The following RAD52 variants were observed in gnomAD, a reference collection of about 807,000 sequenced individuals.
RAD52 encodes the protein DNA repair protein RAD52 homolog.
RAD52 carries 47 observed loss-of-function variants against 55.5 expected under a neutral mutation model. That is an observed-to-expected ratio of 0.85 (90% CI 0.67 to 1.08). The LOEUF is 1.08. Ranked by LOEUF, RAD52 falls within the 50% of genes least tolerant of loss-of-function variation. RAD52 has a pLI of 0.00. For missense variants in RAD52, 468 were observed against 522.8 expected (o/e 0.90, Z 1.02); for synonymous variants, 184 against 198.9 (o/e 0.92, Z 0.63).
intron 6 of RAD52, chr12:926,798 G>A (rs1957058991): frequency 1.3e-6 from 2 of 1,536,296 alleles, no homozygotes; most frequent in Admixed American, 2.0e-5. Flanking sequence ...TATGCTACCT[G>A]TGCGTAGCGG....
chr12:976,855 C>T (rs911934960), intron 1 of RAD52: 6 of 152,212 alleles, frequency 3.9e-5, no homozygotes, highest in African/African-American at 1.2e-4. Context: ...TGAGCCTCTC[C>T]TCTGAATTCC....
At chr12:916,553 G>A (rs1339054226) in intron 8 of RAD52, 70 bp from the exon 9 acceptor site, 2 of 1,601,282 alleles carry the variant, frequency 1.2e-6, no homozygotes, top group East Asian at 2.3e-5. Context: ...GACACGCACG[G>A]CTGGCTGGCT....
upstream of RAD52, chr12:990,650 G>C (rs1459022647): frequency 5.3e-5 from 8 of 152,208 alleles, no homozygotes; most frequent in Admixed American, 5.2e-4. Context: ...CACTAATTTC[G>C]CGGCCGCGTT....
chr12:934,766 C>T (rs1234830131), intron 1 of RAD52, among the ~76,000 whole-genome samples: 1 of 151,956 alleles, frequency 6.6e-6, no homozygotes, highest in African/African-American at 2.4e-5. Context: ...GTCAGTCATA[C>T]CTCAAAAAAG....
chr12:991,070 C>T (rs1441244393), upstream of RAD52: 1 of 151,602 alleles, frequency 6.6e-6, no homozygotes, highest in African/African-American at 2.4e-5. Context: ...CCGGAAGGCG[C>T]CCGGAGGCCC....
rs188084894 is a variant in RAD52, at chr12:922,750, G to A, written c.543+2700C>T. On this transcript the variant is annotated intron_variant, in intron 7 of 11. Coordinates refer to ENST00000358495, the MANE Select transcript of RAD52 (RefSeq NM_134424.4). ...CTTAAGGAGGCTGAGTGGGAGGATC[G>A]CTTGTAGCCAGGAGTTTGAGACTAG... 3.8e-3 allele frequency among the ~76,000 whole-genome samples: 584 copies of A among 152,166 alleles called. 3 individuals are homozygous for A. The highest frequency in any genetic ancestry group is 3.9e-3 in the Admixed American group (60 of 15,276).
rs367718256 is a variant in RAD52 at position 916,659 on chromosome 12, C to A, written c.705G>T (p.Ala235=). Residue 235 remains alanine, a synonymous_variant, in exon 8 of 12, where the codon GCG becomes GCT. Coordinates refer to ENST00000358495, the MANE Select transcript of RAD52 (RefSeq NM_134424.4). ...PSRPSHAVIP[A]DQDCSSRSLS... is the part of the protein sequence containing the mutation. The stretch of plus-strand genomic sequence containing the variant: ...CATACCGGGAGCTGCAGTCCTGGTC[C>A]GCCGGTATCACAGCATGGCTGGGTC... 1.2e-6 allele frequency: 2 copies of A among 1,613,820 alleles called. No homozygotes were observed. The highest frequency in any genetic ancestry group is 1.7e-6 in the Non-Finnish European group (2 of 1,179,818).
At chr12:964,107 T>C (rs1001820138) in intron 1 of RAD52, among the ~76,000 whole-genome samples, 7 of 152,056 alleles carry the variant, frequency 4.6e-5, no homozygotes, top group Non-Finnish European at 4.4e-5. Context: ...TCAGGAAGGT[T>C]TGGGGTTCAG....
intron 1 of RAD52, among the ~76,000 whole-genome samples, chr12:982,995 G>T (rs926724546): frequency 2.0e-5 from 3 of 152,048 alleles, no homozygotes; most frequent in Non-Finnish European, 4.4e-5. Context: ...GGTTACAGGC[G>T]TGTGCCACCA....
intron 8 of RAD52, 65 bp downstream of exon 8, chr12:916,574 G>A: frequency 6.3e-7 from 1 of 1,597,828 alleles, no homozygotes; most frequent in Non-Finnish European, 8.5e-7. Context: ...CTGGAGGCCT[G>A]AGTGGAGGCA....
At chr12:943,478 G>A (rs1207528649) in intron 1 of RAD52, among the ~76,000 whole-genome samples, 2 of 152,122 alleles carry the variant, frequency 1.3e-5, no homozygotes, top group East Asian at 3.9e-4. Flanking sequence ...GAGTAACTGG[G>A]ACTACAGGCA....
Position 916,455 on chromosome 12 carries a change from C to A in RAD52, c.754G>T (p.Glu252Ter), listed in dbSNP as rs763842232. ...RSLSSSAVESEATHQRKLRQK... is the reference protein window; with the variant it reads ...RSLSSSAVES ...CGGAGCTTCCGCTGGTGCGTGGCCT[C>A]GCTCTCCACGGCGGATGAGCTCAGG... is the stretch of plus-strand genomic sequence containing the variant. Residue 252 changes from glutamate (E) to a stop codon, truncating the protein, a stop_gained, in exon 9 of 12, where the codon GAG (glutamate) becomes TAG (stop). Coordinates refer to ENST00000358495, the MANE Select transcript of RAD52 (RefSeq NM_134424.4). LOFTEE classifies it high-confidence loss of function. The A allele has an allele frequency of 1.2e-6, 2 of 1,607,410 alleles. No homozygotes were observed. Among genetic ancestry groups the A allele is most frequent in the Admixed American group, 3.3e-5 (2 of 59,814 alleles).
At chr12:935,809 C>T (rs1352860144) in intron 1 of RAD52, among the ~76,000 whole-genome samples, 1 of 151,322 alleles carries the variant, frequency 6.6e-6, no homozygotes, top group Non-Finnish European at 1.5e-5. Flanking sequence ...GCCGAGATTG[C>T]GCCATTGCAC....
intron 1 of RAD52, among the ~76,000 whole-genome samples, chr12:959,783 T>G (rs931631950): frequency 6.6e-6 from 1 of 152,134 alleles, no homozygotes; most frequent in Non-Finnish European, 1.5e-5. Context: ...GAGTTGGAAG[T>G]TTCTGATCAG....
chr12:955,051 T>C (rs1190237607), intron 1 of RAD52, among the ~76,000 whole-genome samples: 1 of 152,238 alleles, frequency 6.6e-6, no homozygotes, highest in Non-Finnish European at 1.5e-5. Flanking sequence ...CAATATTCAC[T>C]ACAGGGGTGA....
chr12:939,165 G>A (rs1957795891), intron 1 of RAD52, among the ~76,000 whole-genome samples: 1 of 151,396 alleles, frequency 6.6e-6, no homozygotes, highest in African/African-American at 2.4e-5. Context: ...GACATTAATT[G>A]TAAATTTTTT....
At chr12:981,021 G>A (rs1959007456) in intron 1 of RAD52, among the ~76,000 whole-genome samples, 1 of 151,976 alleles carries the variant, frequency 6.6e-6, no homozygotes, top group South Asian at 2.1e-4. Context: ...TAAGTCCAAA[G>A]GCTCATTTAA....
At chr12:970,876 CTTTGAACCAAATACATATAT>C (rs562789252) in intron 1 of RAD52, among the ~76,000 whole-genome samples, 3,009 of 148,414 alleles carry the variant, frequency 0.02, 110 homozygotes, top group African/African-American at 0.076. Flanking sequence ...CTTGCTGAGA[CTTTGAACCAAATACATATAT>C]TTTGAACCAA....
chr12:916,397 C>A lies in RAD52; in HGVS notation c.812G>T (p.Arg271Leu). The A allele has an allele frequency of 1.2e-6, 2 of 1,608,982 alleles. No individual in the cohort carries two copies. The highest frequency in any genetic ancestry group is 1.1e-5 in the South Asian group (1 of 90,884). The change falls in exon 9 of 12, where the codon CGG becomes CTG. Residue 271 changes from arginine to leucine, a missense_variant. Coordinates refer to ENST00000358495, the MANE Select transcript of RAD52 (RefSeq NM_134424.4). ...GACTCGAACCTGCTGCTTCTCCATC[C>A]GCTCCCGGAACTGCTGCTGCAGCTG... ...QKQLQQQFRE[R>L]MEKQQVRVST...
Sources: gnomAD v4.1 joint callset for allele counts (sites outside exome capture counted in the v4.1 genomes callset) on GRCh38, gnomAD v4.1.1 for gene constraint, MANE v1.5 for transcripts, NCBI Gene and HGNC (gene_info 2026-07-23, HGNC 2026-07-21) for gene names.